Variants in MEF2A observed in about 807,000 individuals in gnomAD.
MEF2A encodes the protein myocyte-specific enhancer factor 2A.
MEF2A carries 28 observed loss-of-function variants against 55.8 expected under a neutral mutation model. The observed-to-expected ratio is 0.50, with a 90% CI of 0.37 to 0.69. MEF2A has a LOEUF of 0.69. Ranked by LOEUF, MEF2A falls within the 30% of genes least tolerant of loss-of-function variation. The pLI, the probability that MEF2A is intolerant of heterozygous loss-of-function variation, is 0.00. For synonymous variants in MEF2A, 239 were observed against 227.1 expected, an observed-to-expected ratio of 1.05 and a Z score of -0.47; for missense variants, 528 against 626.2, an observed-to-expected ratio of 0.84 and a Z score of 1.67.
rs936149554 is a variant in MEF2A at position 99,608,401 on chromosome 15, G to A, written c.-143+9890G>A. Among the ~76,000 whole-genome samples, 4 of 152,118 alleles carry A rather than the reference G, an allele frequency of 2.6e-5. No individual in the cohort carries two copies. In the East Asian group the frequency reaches 7.7e-4, roughly 29 times the overall value. ...TATTTTTCAACATTCAGCTTTGAAT[G>A]TCTCTAATCTAAAAACACTGTGTGG... On this transcript the variant is annotated intron_variant, in intron 2 of 11. Coordinates refer to ENST00000557942, the MANE Select transcript of MEF2A (RefSeq NM_001319206.4).
At chr15:99,580,696 A>G (rs1411925077) in intron 1 of MEF2A, among the ~76,000 whole-genome samples, 3 of 152,246 alleles carry the variant, frequency 2.0e-5, no homozygotes, top group Non-Finnish European at 2.9e-5. Context: ...TGAAGGAGTT[A>G]TAGGCCTGTA....
chr15:99,645,010 CTGTT>C (rs1311586675), intron 3 of MEF2A, among the ~76,000 whole-genome samples: 1 of 151,986 alleles, frequency 6.6e-6, no homozygotes, highest in Non-Finnish European at 1.5e-5. Context: ...GGGGGGGTCT[CTGTT>C]AGAGAGGATT....
At chr15:99,678,723 T>G in intron 7 of MEF2A, 3 of 966,412 alleles carry the variant, frequency 3.1e-6, no homozygotes, top group Non-Finnish European at 3.7e-6. Flanking sequence ...GGCAAAGACT[T>G]CTTAAATAAG....
rs191123713 is a variant in MEF2A at position 99,581,428 on chromosome 15, A to G, written c.-225+15324A>G. On this transcript the variant is annotated intron_variant, in intron 1 of 11. Coordinates refer to ENST00000557942, the MANE Select transcript of MEF2A (RefSeq NM_001319206.4). ...TTATGAGCTTTCTTTTTTTTTTTTCATAGTTTCCACAAGTCTTAATGACTT... is the reference window on the plus strand; with the variant it reads ...TTATGAGCTTTCTTTTTTTTTTTTCGTAGTTTCCACAAGTCTTAATGACTT... Among the ~76,000 whole-genome samples, 8 of 146,166 alleles carry G rather than the reference A, an allele frequency of 5.5e-5. 1 individual carries two copies. In the East Asian group the frequency reaches 6.0e-4, roughly 11 times the overall value.
chr15:99,691,100 GT>G (rs3979130), intron 8 of MEF2A, among the ~76,000 whole-genome samples: 2,802 of 122,866 alleles, frequency 0.023, 78 homozygotes, highest in African/African-American at 0.072. Flanking sequence ...TTCGAATCAG[GT>G]TTTTTTTTTT....
intron 7 of MEF2A, among the ~76,000 whole-genome samples, chr15:99,688,081 T>C (rs1032793849): frequency 2.6e-5 from 4 of 152,246 alleles, no homozygotes; most frequent in African/African-American, 9.6e-5. Flanking sequence ...TAAACACTTA[T>C]CTTTTATTCT....
chr15:99,706,990 T>C, intron 10 of MEF2A, 135 bp downstream of exon 10: 1 of 1,134,792 alleles, frequency 8.8e-7, no homozygotes. Context: ...TTAGGATGTA[T>C]TTTTCAATGT....
intron 2 of MEF2A, among the ~76,000 whole-genome samples, chr15:99,620,647 C>A (rs565635871): frequency 6.6e-6 from 1 of 152,130 alleles, no homozygotes; most frequent in South Asian, 2.1e-4. Context: ...TATGATAAAA[C>A]GTACATGTGT....
At chr15:99,591,778 TC>T in intron 1 of MEF2A, among the ~76,000 whole-genome samples, 1 of 152,176 alleles carries the variant, frequency 6.6e-6, no homozygotes, top group Non-Finnish European at 1.5e-5. Flanking sequence ...GTTAATTCCA[TC>T]CAGTTACTTT....
intron 4 of MEF2A, among the ~76,000 whole-genome samples, chr15:99,650,384 C>T (rs1025211855): frequency 1.3e-5 from 2 of 152,078 alleles, no homozygotes; most frequent in Non-Finnish European, 2.9e-5. Flanking sequence ...ATAGCAGTCA[C>T]GAATAAGTTT....
In MEF2A at chr15:99,571,398, C is replaced by T. The variant is rs7183965; in HGVS notation, c.-225+5294C>T. On this transcript the variant is annotated intron_variant, in intron 1 of 11. Coordinates refer to ENST00000557942, the MANE Select transcript of MEF2A (RefSeq NM_001319206.4). ...GAGGTGTGTATTATAAAGTGCAGTG[C>T]CTGGTATATAACCTGCATTAATTTT... is the stretch of plus-strand genomic sequence containing the variant. Among the ~76,000 whole-genome samples, 444 of 152,194 alleles carry T rather than the reference C, an allele frequency of 2.9e-3. 4 individuals carry two copies. Among genetic ancestry groups the T allele is most frequent in the African/African-American group, 0.01 (432 of 41,506 alleles).
chr15:99,668,758 T>G (rs2050289996), intron 4 of MEF2A, among the ~76,000 whole-genome samples: 1 of 152,250 alleles, frequency 6.6e-6, no homozygotes, highest in African/African-American at 2.4e-5. Context: ...CCTGGCCTTC[T>G]TAATAGATTA....
chr15:99,690,022 G>A (rs2055061991), intron 7 of MEF2A, among the ~76,000 whole-genome samples: 1 of 152,142 alleles, frequency 6.6e-6, no homozygotes, highest in African/African-American at 2.4e-5. Context: ...GGAGGATTTT[G>A]GATTTTCAGG....
intron 2 of MEF2A, among the ~76,000 whole-genome samples, chr15:99,608,830 TG>T (rs1596452445): frequency 6.6e-6 from 1 of 151,672 alleles, no homozygotes; most frequent in Non-Finnish European, 1.5e-5. Flanking sequence ...GAACCCGAGA[TG>T]TGGAGGTTGC....
chr15:99,662,064 A>T (rs2048746884), intron 4 of MEF2A, among the ~76,000 whole-genome samples: 1 of 152,224 alleles, frequency 6.6e-6, no homozygotes. Flanking sequence ...AGGCATAGCT[A>T]AATTATATTT....
chr15:99,594,479 T>C (rs1289883693), intron 1 of MEF2A, among the ~76,000 whole-genome samples: 1 of 128,564 alleles, frequency 7.8e-6, no homozygotes, highest in East Asian at 2.4e-4. Flanking sequence ...TTTTTTTTTT[T>C]TGAAGGGTTT....
At position 99,716,289 on chromosome 15, in the gene MEF2A, A is replaced by T; in HGVS notation, c.*3518A>T. 2.9e-6 allele frequency: 1 copy of T among 345,260 alleles called. No individual in the cohort carries two copies. Among genetic ancestry groups the T allele is most frequent in the Non-Finnish European group, 5.7e-6 (1 of 173,930 alleles). The allele number at this position is 345,260 out of a possible 1,614,324, so 21.4% of individuals were successfully genotyped here. ...AAAACCGTTTGGCGGCACAAGCTGG[A>T]CTTTGTTGCCATCCTTGAGATGAAC... On this transcript the variant is annotated 3_prime_UTR_variant, in exon 12 of 12. Transcript: ENST00000557942.
intron 1 of MEF2A, among the ~76,000 whole-genome samples, chr15:99,571,006 G>A (rs898358076): frequency 2.0e-5 from 3 of 151,968 alleles, no homozygotes; most frequent in Non-Finnish European, 4.4e-5. Flanking sequence ...CCAACGTGGT[G>A]AAACCCCGTT....
intron 2 of MEF2A, among the ~76,000 whole-genome samples, chr15:99,608,636 C>T (rs976302094): frequency 7.2e-5 from 11 of 152,162 alleles, no homozygotes; most frequent in Non-Finnish European, 1.0e-4. Flanking sequence ...TGGTGGCTCA[C>T]GCCTGTAATG....
Sources: gnomAD v4.1 joint callset for allele counts (sites outside exome capture counted in the v4.1 genomes callset) on GRCh38, gnomAD v4.1.1 for gene constraint, MANE v1.5 for transcripts, NCBI Gene and HGNC (gene_info 2026-07-23, HGNC 2026-07-21) for gene names.